The following YTHDC2 variants were observed in gnomAD, a reference collection of about 807,000 sequenced individuals.
YTHDC2 encodes the protein 3'-5' RNA helicase YTHDC2.
Under a neutral mutation model 174.9 loss-of-function variants are expected in YTHDC2, and 45 were observed. The ratio of observed to expected loss-of-function variants is 0.26; its 90% CI spans 0.20 to 0.33. The LOEUF (loss-of-function observed/expected upper bound fraction) is 0.33. YTHDC2 is among the 10% of genes least tolerant of loss of function. The pLI is 1.00. For missense variants in YTHDC2, 1,650 were observed against 1,723.7 expected (o/e 0.96, Z 0.76); for synonymous variants, 657 against 574.5 (o/e 1.14, Z -2.05).
chr5:113,529,963 T>G (rs1018025067), intron 4 of YTHDC2, among the ~76,000 whole-genome samples: 8 of 152,130 alleles, frequency 5.3e-5, no homozygotes, highest in African/African-American at 1.2e-4. Flanking sequence ...TATCACTATG[T>G]TTCCCAGGCT....
At chr5:113,560,238 A>G (rs1580584030) in intron 17 of YTHDC2, among the ~76,000 whole-genome samples, 1 of 152,200 alleles carries the variant, frequency 6.6e-6, no homozygotes, top group Non-Finnish European at 1.5e-5. Context: ...TTCTTAGGGT[A>G]ATAATGTAAA....
chr5:113,522,045 C>A (rs747825475), intron 2 of YTHDC2, among the ~76,000 whole-genome samples: 1 of 151,178 alleles, frequency 6.6e-6, no homozygotes, highest in Non-Finnish European at 1.5e-5. Context: ...GGAGCTAGAT[C>A]TTTGCATCTG....
intron 12 of YTHDC2, among the ~76,000 whole-genome samples, chr5:113,549,406 C>G (rs922225328): frequency 3.3e-5 from 5 of 152,050 alleles, no homozygotes; most frequent in African/African-American, 1.2e-4. Flanking sequence ...TGATAGATAG[C>G]TGATTGATTG....
chr5:113,584,593 ATGT>A, intron 26 of YTHDC2, 114 bp downstream of exon 26: 1 of 960,182 alleles, frequency 1.0e-6, no homozygotes, highest in Non-Finnish European at 1.5e-6. Context: ...CCTCTTCTAG[ATGT>A]AAGTTGAAGC....
chr5:113,588,337 T>C (rs904777974), intron 26 of YTHDC2, among the ~76,000 whole-genome samples: 2 of 152,100 alleles, frequency 1.3e-5, no homozygotes, highest in African/African-American at 2.4e-5. Context: ...GATTTTCTTA[T>C]GTTTATACCC....
In YTHDC2 at chr5:113,591,040, G is replaced by A; in HGVS notation, c.3826-1G>A. ...TCAAGAACTTATGTTTTCTTTTATA[G>A]GGCTCAAAATCTCCTTCGCCAAGAC... On this transcript the variant is annotated splice_acceptor_variant, in intron 26 of 29. Coordinates refer to ENST00000161863, the MANE Select transcript of YTHDC2 (RefSeq NM_022828.5). LOFTEE classifies it high-confidence loss of function. The A allele has an allele frequency of 6.2e-7, 1 of 1,612,612 alleles. No individual in the cohort carries two copies. Among genetic ancestry groups the A allele is most frequent in the Non-Finnish European group, 8.5e-7 (1 of 1,179,350 alleles).
chr5:113,567,633 T>G (rs1169146180), intron 22 of YTHDC2, 21 bp from the exon 23 acceptor site: 1 of 1,551,996 alleles, frequency 6.4e-7, no homozygotes, highest in East Asian at 2.4e-5. Context: ...TAACAATTTT[T>G]AAAATTTATT....
intron 23 of YTHDC2, among the ~76,000 whole-genome samples, chr5:113,576,330 G>C (rs1778043680): frequency 6.6e-6 from 1 of 152,140 alleles, no homozygotes; most frequent in South Asian, 2.1e-4. Context: ...TGCTTTGAGA[G>C]ACTGAGGGCA....
Position 113,523,813 on chromosome 5 carries a change from C to T in YTHDC2, c.279-1168C>T, listed in dbSNP as rs77493428. 6.6e-3 allele frequency among the ~76,000 whole-genome samples: 1,010 copies of T among 151,928 alleles called. 6 individuals are homozygous for T. The highest frequency in any genetic ancestry group is 0.023 in the African/African-American group (941 of 41,460). On this transcript the variant is annotated intron_variant, in intron 2 of 29. Transcript: ENST00000161863. ...AAGATACTGTTGATAAAATTTACAT[C>T]TAATGAAAATTAGAAAAATTATAAA...
intron 16 of YTHDC2, 23 bp from the exon 17 acceptor site, chr5:113,556,029 T>C (rs1561667960): frequency 1.4e-6 from 2 of 1,432,128 alleles, no homozygotes; most frequent in Non-Finnish European, 2.0e-6. Context: ...TATTCTAACA[T>C]AAAGATGGTT....
intron 10 of YTHDC2, among the ~76,000 whole-genome samples, chr5:113,545,555 A>T (rs1775810490): frequency 6.6e-6 from 1 of 151,636 alleles, no homozygotes; most frequent in African/African-American, 2.4e-5. Context: ...TGAATACTTC[A>T]TCTCTTCTGC....
Position 113,553,755 on chromosome 5 carries a change from A to C in YTHDC2, c.1965-12A>C. ...GGTCTTATAGTATGTTTTCTCTTTC[A>C]ATTGTCTGCAGATACCAAGTCTTTA... On this transcript the variant is annotated splice_polypyrimidine_tract_variant and intron_variant, in intron 14 of 29. Coordinates refer to ENST00000161863, the MANE Select transcript of YTHDC2 (RefSeq NM_022828.5). 3 of 1,612,194 alleles carry C rather than the reference A, an allele frequency of 1.9e-6. No individual in the cohort carries two copies. The highest frequency in any genetic ancestry group is 2.5e-6 in the Non-Finnish European group (3 of 1,179,244).
intron 3 of YTHDC2, among the ~76,000 whole-genome samples, chr5:113,526,063 T>C (rs1774210452): frequency 1.3e-5 from 2 of 152,118 alleles, no homozygotes; most frequent in African/African-American, 4.8e-5. Flanking sequence ...AATTATTCTA[T>C]TTGATCACTT....
rs147850797 is a variant in YTHDC2, at chr5:113,537,259, C to T, written c.1102+1461C>T. On this transcript the variant is annotated intron_variant, in intron 7 of 29. Coordinates refer to ENST00000161863, the MANE Select transcript of YTHDC2 (RefSeq NM_022828.5). ...TAAGGCTATTTATTTGAATTTTTACCGGTGTCGTTTGACATTAACCTAATT... is the reference window on the plus strand; with the variant it reads ...TAAGGCTATTTATTTGAATTTTTACTGGTGTCGTTTGACATTAACCTAATT... 5.1e-4 allele frequency among the ~76,000 whole-genome samples: 77 copies of T among 151,838 alleles called. 4 individuals are homozygous for T. The highest frequency in any genetic ancestry group is 8.7e-4 in the African/African-American group (36 of 41,408).
At position 113,553,645 on chromosome 5, in the gene YTHDC2, C is replaced by T. The variant is rs1776413013; in HGVS notation, c.1923C>T (p.Arg641=). 2 of 1,613,532 alleles carry T rather than the reference C, an allele frequency of 1.2e-6. No homozygotes were observed. Among genetic ancestry groups the T allele is most frequent in the Middle Eastern group, 1.7e-4 (1 of 6,060 alleles). The change falls in exon 14 of 30, where the codon CGC becomes CGT. Residue 641 remains arginine, a synonymous_variant. Coordinates refer to ENST00000161863, the MANE Select transcript of YTHDC2 (RefSeq NM_022828.5). ...GYDEIVGLRD[R]ILFDDKRFAD... ...ACGAAATTGTTGGACTGAGAGATCG[C>T]ATCCTGTTTGATGACAAGCGGTTTG...
intron 6 of YTHDC2, among the ~76,000 whole-genome samples, 199 bp downstream of exon 6, chr5:113,534,606 G>A (rs929912089): frequency 3.3e-5 from 5 of 151,862 alleles, no homozygotes; most frequent in Non-Finnish European, 7.4e-5. Flanking sequence ...GAAATATTTT[G>A]TATTACAAAA....
intron 2 of YTHDC2, among the ~76,000 whole-genome samples, chr5:113,522,438 A>T (rs1437379619): frequency 6.6e-6 from 1 of 151,848 alleles, no homozygotes; most frequent in African/African-American, 2.4e-5. Flanking sequence ...GGTTACTTTT[A>T]TTTTTCGAAA....
At chr5:113,537,216 T>G (rs947040381) in intron 7 of YTHDC2, among the ~76,000 whole-genome samples, 4 of 152,316 alleles carry the variant, frequency 2.6e-5, no homozygotes, top group East Asian at 3.9e-4. Flanking sequence ...CTGAAATGAT[T>G]TACATTTCTG....
intron 26 of YTHDC2, among the ~76,000 whole-genome samples, chr5:113,590,173 A>G (rs750542354): frequency 6.6e-6 from 1 of 152,188 alleles, no homozygotes; most frequent in Non-Finnish European, 1.5e-5. Flanking sequence ...TTTGTTGGGC[A>G]GCTAGGTTTT....
Sources: gnomAD v4.1 joint callset for allele counts (sites outside exome capture counted in the v4.1 genomes callset) on GRCh38, gnomAD v4.1.1 for gene constraint, MANE v1.5 for transcripts, NCBI Gene and HGNC (gene_info 2026-07-23, HGNC 2026-07-21) for gene names.